Variants in UBE2V2 observed in about 807,000 individuals in gnomAD.
UBE2V2 encodes ubiquitin conjugating enzyme E2 V2.
UBE2V2 carries 9 observed loss-of-function variants against 17.2 expected under a neutral mutation model. That is an observed-to-expected ratio of 0.52 (90% confidence interval 0.32 to 0.91). UBE2V2 has a LOEUF of 0.91. Among genes scored for constraint, UBE2V2 ranks in the 40% least tolerant of loss-of-function variants. UBE2V2 has a pLI of 0.04. For missense variants in UBE2V2, 133 were observed against 182.6 expected, an observed-to-expected ratio of 0.73 and a Z score of 1.56; for synonymous variants, 61 against 57.5, an observed-to-expected ratio of 1.06 and a Z score of -0.28.
At chr8:48,050,059 G>T in intron 3 of UBE2V2, 81 bp downstream of exon 3, 1 of 972,056 alleles carries the variant, frequency 1.0e-6, no homozygotes. Flanking sequence ...CATAATATAT[G>T]TAAGATATTA....
intron 1 of UBE2V2, among the ~76,000 whole-genome samples, chr8:48,040,607 G>T (rs1468903057): frequency 6.6e-6 from 1 of 151,918 alleles, no homozygotes; most frequent in Non-Finnish European, 1.5e-5. Flanking sequence ...TTAAAATCTA[G>T]GAAAGTGTCC....
At chr8:48,017,002 G>A (rs549461071) in intron 1 of UBE2V2, among the ~76,000 whole-genome samples, 1 of 151,698 alleles carries the variant, frequency 6.6e-6, no homozygotes, top group African/African-American at 2.4e-5. Context: ...GCCAGGCTAG[G>A]CTGGTCTCAA....
chr8:48,032,615 G>A (rs1469759782), intron 1 of UBE2V2, among the ~76,000 whole-genome samples: 1 of 152,030 alleles, frequency 6.6e-6, no homozygotes, highest in Admixed American at 6.6e-5. Flanking sequence ...AATTAGCTGC[G>A]TGTGGCGGTG....
At chr8:48,043,382 T>C in intron 2 of UBE2V2, 1 of 396,074 alleles carries the variant, frequency 2.5e-6, no homozygotes, top group Admixed American at 4.5e-5. Context: ...AAGGTTGATA[T>C]GGTCATTGCC....
At chr8:48,022,323 A>G (rs2091311467) in intron 1 of UBE2V2, among the ~76,000 whole-genome samples, 1 of 151,850 alleles carries the variant, frequency 6.6e-6, no homozygotes, top group Non-Finnish European at 1.5e-5. Flanking sequence ...TTTAGTGGAG[A>G]TGGGGTTTCA....
At chr8:48,017,271 G>T (rs547068890) in intron 1 of UBE2V2, among the ~76,000 whole-genome samples, 205 of 151,980 alleles carry the variant, frequency 1.3e-3, no homozygotes, top group Non-Finnish European at 2.3e-3. Context: ...TTTACATGAG[G>T]TTATTTTCTT....
intron 3 of UBE2V2, among the ~76,000 whole-genome samples, chr8:48,058,160 C>T (rs1225977317): frequency 6.6e-6 from 1 of 152,018 alleles, no homozygotes; most frequent in Admixed American, 6.6e-5. Flanking sequence ...ATGACGAAAC[C>T]CTGTCTCTAT....
rs2091522935 is a variant in UBE2V2, at chr8:48,049,786, T to A, written c.166-67T>A. ...ATATTGTACTTTCCCTTTTTTTTTTTTAGCACTTAGACATTAATATTTTAG... is the reference window on the plus strand; with the variant it reads ...ATATTGTACTTTCCCTTTTTTTTTTATAGCACTTAGACATTAATATTTTAG... On this transcript the variant is annotated intron_variant, in intron 2 of 3. Coordinates refer to ENST00000523111, the MANE Select transcript of UBE2V2 (RefSeq NM_003350.3). 2.1e-6 allele frequency: 3 copies of A among 1,424,162 alleles called. No homozygotes were observed. The South Asian group carries it at 3.8e-5, about 18-fold the overall frequency. 88.2% of individuals were successfully genotyped at this position (1,424,162 alleles called of 1,614,324 possible).
chr8:48,007,280 A>T (rs2091190488), upstream of UBE2V2, among the ~76,000 whole-genome samples: 1 of 152,124 alleles, frequency 6.6e-6, no homozygotes, highest in Non-Finnish European at 1.5e-5. Context: ...CAAGAGAAAG[A>T]AATAAAGGGT....
intron 1 of UBE2V2, 60 bp from the exon 2 acceptor site, chr8:48,042,969 TTAAA>T: frequency 2.3e-6 from 3 of 1,327,896 alleles, no homozygotes; most frequent in Non-Finnish European, 2.9e-6. Context: ...AAAGCTGAAT[TTAAA>T]TACGTGTAGC....
intron 1 of UBE2V2, among the ~76,000 whole-genome samples, chr8:48,015,858 A>C (rs1196493657): frequency 6.7e-6 from 1 of 150,306 alleles, no homozygotes; most frequent in Non-Finnish European, 1.5e-5. Flanking sequence ...CCCACTGTAT[A>C]CGTATACCAC....
intron 2 of UBE2V2, among the ~76,000 whole-genome samples, chr8:48,045,825 A>G (rs540336270): frequency 6.6e-6 from 1 of 152,316 alleles, no homozygotes; most frequent in Non-Finnish European, 1.5e-5. Context: ...TTGCCTTTTC[A>G]TAAAACAGGC....
intron 1 of UBE2V2, among the ~76,000 whole-genome samples, chr8:48,013,542 C>T (rs762556249): frequency 1.5e-4 from 23 of 152,052 alleles, no homozygotes; most frequent in Non-Finnish European, 2.5e-4. Flanking sequence ...ATCTCCTGAC[C>T]TCGTGATCCA....
rs374891986 is a variant in UBE2V2 at position 48,046,410 on chromosome 8, G to A, written c.165+3229G>A. Among the ~76,000 whole-genome samples the A allele has an allele frequency of 3.8e-3, 576 of 152,086 alleles. 4 individuals carry two copies. Among genetic ancestry groups the A allele is most frequent in the South Asian group, 0.024 (117 of 4,806 alleles). ...TGGGATTACAGGCGTGAGCCACCGC[G>A]TCTGGCCTAATTTTGTATTTTTAGT... On this transcript the variant is annotated intron_variant, in intron 2 of 3. Transcript: ENST00000523111.
chr8:48,006,238 C>A (rs577074788), upstream of UBE2V2, among the ~76,000 whole-genome samples: 69 of 152,220 alleles, frequency 4.5e-4, no homozygotes, highest in Middle Eastern at 3.4e-3. Flanking sequence ...ATATGGCTAC[C>A]CAGTTTTCCC....
At chr8:48,036,077 C>T (rs1271965225) in intron 1 of UBE2V2, among the ~76,000 whole-genome samples, 1 of 151,180 alleles carries the variant, frequency 6.6e-6, no homozygotes, top group Non-Finnish European at 1.5e-5. Context: ...ATGTTAGCCT[C>T]CGGAGCAGCT....
intron 1 of UBE2V2, among the ~76,000 whole-genome samples, chr8:48,040,844 G>GTTTTTTTTTT (rs71225699): frequency 2.3e-4 from 17 of 74,128 alleles, no homozygotes; most frequent in African/African-American, 3.8e-4. Context: ...GCCAGGCTGG[G>GTTTTTTTTTT]TTTTTTTTTT....
chr8:48,043,200 A>AT lies in UBE2V2; in HGVS notation c.165+25dup. 1 of 1,433,630 alleles carries AT rather than the reference A, an allele frequency of 7.0e-7. No homozygotes were observed. Among genetic ancestry groups the AT allele is most frequent in the Non-Finnish European group, 9.2e-7 (1 of 1,083,712 alleles). The allele number at this position is 1,433,630 out of a possible 1,614,324, so 88.8% of individuals were successfully genotyped here. ...ACCAAGGGTCAGTGTTATAAATTATATTTTTTCTATTAATACTTATTGTTA... is the reference window on the plus strand; with the variant it reads ...ACCAAGGGTCAGTGTTATAAATTATATTTTTTTCTATTAATACTTATTGTTA... On this transcript the variant is annotated intron_variant, in intron 2 of 3. Coordinates refer to ENST00000523111, the MANE Select transcript of UBE2V2 (RefSeq NM_003350.3).
At chr8:48,024,164 A>G (rs1397231907) in intron 1 of UBE2V2, among the ~76,000 whole-genome samples, 1 of 152,208 alleles carries the variant, frequency 6.6e-6, no homozygotes, top group Non-Finnish European at 1.5e-5. Context: ...TAGAAAAAAC[A>G]GTTTAATAGA....
Sources: gnomAD v4.1 joint callset for allele counts (sites outside exome capture counted in the v4.1 genomes callset) on GRCh38, gnomAD v4.1.1 for gene constraint, MANE v1.5 for transcripts, NCBI Gene and HGNC (gene_info 2026-07-23, HGNC 2026-07-21) for gene names.